The following CCSER1 variants were observed in gnomAD, a reference collection of about 807,000 sequenced individuals.
The protein encoded by CCSER1 is serine-rich coiled-coil domain-containing protein 1.
CCSER1 carries 41 observed loss-of-function variants against 82.0 expected under a neutral mutation model. The observed-to-expected ratio is 0.50, with a 90% CI of 0.39 to 0.65. The LOEUF (loss-of-function observed/expected upper bound fraction) is 0.65, where lower values mean the gene tolerates loss of function less well. Among genes scored for constraint, CCSER1 ranks in the 30% least tolerant of loss-of-function variants. CCSER1 has a pLI of 0.00. For missense variants in CCSER1, 1,119 were observed against 1,064.2 expected, an observed-to-expected ratio of 1.05 and a Z score of -0.72; for synonymous variants, 414 against 383.9, an observed-to-expected ratio of 1.08 and a Z score of -0.92.
At chr4:90,817,216 G>T (rs1172337078) in intron 8 of CCSER1, among the ~76,000 whole-genome samples, 2 of 151,944 alleles carry the variant, frequency 1.3e-5, no homozygotes, top group Non-Finnish European at 2.9e-5. Flanking sequence ...ATCACCTATA[G>T]ATATTTATTG....
At chr4:91,476,282 C>T (rs551116482) in intron 10 of CCSER1, among the ~76,000 whole-genome samples, 1 of 151,866 alleles carries the variant, frequency 6.6e-6, no homozygotes, top group Non-Finnish European at 1.5e-5. Flanking sequence ...CTCCTTTCTC[C>T]ACATCCTTGC....
intron 8 of CCSER1, among the ~76,000 whole-genome samples, chr4:90,895,339 A>AT (rs1295469614): frequency 1.3e-5 from 2 of 151,914 alleles, no homozygotes; most frequent in African/African-American, 4.8e-5. Context: ...GTAGGCATAT[A>AT]TTTTTATCAG....
chr4:91,234,003 G>C (rs1738818478), intron 10 of CCSER1, among the ~76,000 whole-genome samples: 1 of 151,990 alleles, frequency 6.6e-6, no homozygotes, highest in African/African-American at 2.4e-5. Context: ...TGCAAATATA[G>C]TATGTTTTCT....
intron 10 of CCSER1, among the ~76,000 whole-genome samples, chr4:91,180,711 C>T (rs191483628): frequency 6.6e-6 from 1 of 152,048 alleles, no homozygotes; most frequent in Admixed American, 6.5e-5. Context: ...CAGGGAGACC[C>T]TAACTCAGCG....
intron 3 of CCSER1, among the ~76,000 whole-genome samples, chr4:90,380,188 G>A (rs1267970219): frequency 6.6e-6 from 1 of 152,114 alleles, no homozygotes; most frequent in African/African-American, 2.4e-5. Flanking sequence ...AAAAGCACTA[G>A]TAGTTGTGAT....
chr4:91,156,700 A>T (rs2148966319), intron 10 of CCSER1, among the ~76,000 whole-genome samples: 1 of 151,932 alleles, frequency 6.6e-6, no homozygotes, highest in South Asian at 2.1e-4. Flanking sequence ...TTCTGAAATC[A>T]AATCCGTAAA....
intron 4 of CCSER1, among the ~76,000 whole-genome samples, chr4:90,423,391 A>G (rs138187137): frequency 1.3e-3 from 204 of 151,894 alleles, no homozygotes; most frequent in Middle Eastern, 3.4e-3. Flanking sequence ...ATGCCCGAAT[A>G]ATTTTTTGTA....
At chr4:90,580,506 C>T (rs1781309340) in intron 5 of CCSER1, among the ~76,000 whole-genome samples, 1 of 152,160 alleles carries the variant, frequency 6.6e-6, no homozygotes, top group African/African-American at 2.4e-5. Flanking sequence ...CACTGTAAAT[C>T]ATATTGTTAG....
At chr4:90,687,242 G>A (rs1352486144) in intron 6 of CCSER1, among the ~76,000 whole-genome samples, 1 of 151,458 alleles carries the variant, frequency 6.6e-6, no homozygotes, top group Non-Finnish European at 1.5e-5. Flanking sequence ...ATTTTTTATT[G>A]CAACTCAAAG....
At chr4:90,327,463 C>T (rs1738428116) in intron 3 of CCSER1, among the ~76,000 whole-genome samples, 1 of 152,154 alleles carries the variant, frequency 6.6e-6, no homozygotes, top group Non-Finnish European at 1.5e-5. Context: ...CCAAGTTTTC[C>T]ATCTTTGAAG....
intron 10 of CCSER1, among the ~76,000 whole-genome samples, chr4:91,266,553 A>C (rs28418895): frequency 0.27 from 41,346 of 151,968 alleles, 5,713 homozygotes; most frequent in South Asian, 0.39. Flanking sequence ...GCCCGGCCTT[A>C]AGCTGGAATT....
intron 10 of CCSER1, among the ~76,000 whole-genome samples, chr4:91,148,228 G>C (rs555305468): frequency 1.3e-5 from 2 of 151,726 alleles, no homozygotes; most frequent in Non-Finnish European, 2.9e-5. Flanking sequence ...CTTACAATGC[G>C]GTCTAATCCA....
At chr4:91,139,467 G>T in intron 10 of CCSER1, among the ~76,000 whole-genome samples, 1 of 152,078 alleles carries the variant, frequency 6.6e-6, no homozygotes, top group East Asian at 1.9e-4. Context: ...TTCTAAGTGC[G>T]CTGCGATTTG....
intron 7 of CCSER1, among the ~76,000 whole-genome samples, chr4:90,814,052 G>T (rs950183217): frequency 1.3e-5 from 2 of 152,192 alleles, no homozygotes; most frequent in Admixed American, 6.5e-5. Flanking sequence ...CTAGGCAGAG[G>T]TTCCCAAACC....
At chr4:90,442,210 CA>C (rs1194457692) in intron 4 of CCSER1, among the ~76,000 whole-genome samples, 2 of 151,844 alleles carry the variant, frequency 1.3e-5, no homozygotes, top group South Asian at 2.1e-4. Context: ...GGAAACTCAA[CA>C]AAAAAATGAG....
chr4:91,355,680 A>G (rs1748777974), intron 10 of CCSER1, among the ~76,000 whole-genome samples: 1 of 152,176 alleles, frequency 6.6e-6, no homozygotes, highest in Non-Finnish European at 1.5e-5. Context: ...TTTCTGATGC[A>G]TCGGCCATGC....
chr4:91,329,858 G>C (rs930299138), intron 10 of CCSER1, among the ~76,000 whole-genome samples: 2 of 152,070 alleles, frequency 1.3e-5, no homozygotes, highest in Admixed American at 1.3e-4. Context: ...AATTCCCAAT[G>C]TTATTTATAT....
At chr4:91,451,195 A>G (rs1230349611) in intron 10 of CCSER1, among the ~76,000 whole-genome samples, 3 of 152,030 alleles carry the variant, frequency 2.0e-5, no homozygotes, top group South Asian at 2.1e-4. Flanking sequence ...CCTTATGCTC[A>G]TGACCTAATT....
intron 9 of CCSER1, among the ~76,000 whole-genome samples, chr4:91,067,033 C>T (rs1720891568): frequency 6.6e-6 from 1 of 152,058 alleles, no homozygotes; most frequent in Admixed American, 6.5e-5. Context: ...GGCATGGTGG[C>T]AGGTGCCTGT....
Sources: gnomAD v4.1 joint callset for allele counts (sites outside exome capture counted in the v4.1 genomes callset) on GRCh38, gnomAD v4.1.1 for gene constraint, MANE v1.5 for transcripts, NCBI Gene and HGNC (gene_info 2026-07-23, HGNC 2026-07-21) for gene names.